MVB12B: variants seen among roughly 807,000 people sequenced by gnomAD.
The protein encoded by MVB12B is ESCRT-I complex subunit MVB12B.
MVB12B carries 16 observed loss-of-function variants against 41.6 expected under a neutral mutation model. That is an observed-to-expected ratio of 0.38 (90% confidence interval 0.26 to 0.58). MVB12B has a LOEUF of 0.58. MVB12B is among the 20% of genes least tolerant of loss of function. The pLI, the probability that MVB12B is intolerant of heterozygous loss-of-function variation, is 0.62. For synonymous variants in MVB12B, 133 were observed against 139.7 expected (o/e 0.95, Z 0.34); for missense variants, 274 against 380.2 (o/e 0.72, Z 2.32).
intron 9 of MVB12B, among the ~76,000 whole-genome samples, chr9:126,496,211 GTCCATCCACCCACCCA>G (rs990298811): frequency 1.6e-4 from 2 of 12,860 alleles, no homozygotes; most frequent in Non-Finnish European, 3.6e-4. Flanking sequence ...CTACCCACCC[GTCCATCCACCCACCCA>G]TCCATACACC....
In MVB12B at chr9:126,381,190, T is replaced by G; in HGVS notation, c.312+19T>G. ...AGAAAATGTAAGTCTAGTCGTAGTT[T>G]CCATTTGCTGAGTGAGCACAAGTAA... On this transcript the variant is annotated intron_variant, in intron 3 of 9. Transcript: ENST00000361171. 6.4e-7 allele frequency: 1 copy of G among 1,551,004 alleles called. No homozygotes were observed. Among genetic ancestry groups the G allele is most frequent in the Non-Finnish European group, 8.9e-7 (1 of 1,123,746 alleles).
chr9:126,483,658 G>A (rs1162293729), intron 8 of MVB12B, among the ~76,000 whole-genome samples: 4 of 152,204 alleles, frequency 2.6e-5, no homozygotes, highest in Non-Finnish European at 5.9e-5. Context: ...GAAGACAGGT[G>A]AAGCAGGCCA....
intron 7 of MVB12B, among the ~76,000 whole-genome samples, chr9:126,474,345 G>A (rs7047946): frequency 0.65 from 99,097 of 152,144 alleles, 32,663 homozygotes; most frequent in East Asian, 0.97. Flanking sequence ...AGAAAGGAAG[G>A]AAGTAAACGT....
chr9:126,437,061 G>A (rs1365422124), intron 7 of MVB12B, among the ~76,000 whole-genome samples: 4 of 152,106 alleles, frequency 2.6e-5, no homozygotes, highest in Non-Finnish European at 5.9e-5. Context: ...CAAAATTGCT[G>A]TTCTTTGTCC....
At chr9:126,431,354 G>A (rs1832327180) in intron 7 of MVB12B, among the ~76,000 whole-genome samples, 1 of 152,230 alleles carries the variant, frequency 6.6e-6, no homozygotes, top group African/African-American at 2.4e-5. Flanking sequence ...TTGGGGGCAG[G>A]AAGGAGAGAA....
chr9:126,496,204 C>CCCACCCGTCCAT (rs1466157544), intron 9 of MVB12B, among the ~76,000 whole-genome samples: 4 of 122,108 alleles, frequency 3.3e-5, no homozygotes, highest in Non-Finnish European at 6.7e-5. Context: ...CACCCACCTA[C>CCCACCCGTCCAT]CCACCCGTCC....
chr9:126,362,907 C>A (rs569992040), intron 2 of MVB12B, among the ~76,000 whole-genome samples: 1 of 152,270 alleles, frequency 6.6e-6, no homozygotes, highest in South Asian at 2.1e-4. Flanking sequence ...TAATTTTTGG[C>A]CAGGCGTGGT....
At chr9:126,500,923 G>A (rs1833942267) in intron 9 of MVB12B, among the ~76,000 whole-genome samples, 1 of 152,208 alleles carries the variant, frequency 6.6e-6, no homozygotes, top group South Asian at 2.1e-4. Flanking sequence ...CCTTCATGCT[G>A]GGCTGTGCTG....
At chr9:126,475,978 T>C (rs1417772736) in intron 7 of MVB12B, among the ~76,000 whole-genome samples, 1 of 124,740 alleles carries the variant, frequency 8.0e-6, no homozygotes, top group Non-Finnish European at 1.9e-5. Context: ...CTCTGTCACT[T>C]GACCAGACAG....
intron 9 of MVB12B, among the ~76,000 whole-genome samples, chr9:126,494,866 C>G (rs1263648088): frequency 9.3e-5 from 14 of 149,866 alleles, no homozygotes; most frequent in Non-Finnish European, 1.6e-4. Context: ...AGGGAGCACC[C>G]CACCCCCCCC....
At chr9:126,423,326 C>T (rs1473917284) in intron 7 of MVB12B, among the ~76,000 whole-genome samples, 3 of 152,216 alleles carry the variant, frequency 2.0e-5, no homozygotes, top group East Asian at 1.9e-4. Flanking sequence ...GTTGGCGTTT[C>T]TGCAGGAAAG....
intron 6 of MVB12B, among the ~76,000 whole-genome samples, chr9:126,414,842 C>CTATT (rs1187493296): frequency 1.3e-5 from 2 of 151,490 alleles, no homozygotes; most frequent in Non-Finnish European, 2.9e-5. Flanking sequence ...TAATTTTTAT[C>CTATT]TATTTATTTA....
chr9:126,444,567 C>A (rs1417594017), intron 7 of MVB12B, among the ~76,000 whole-genome samples: 1 of 152,178 alleles, frequency 6.6e-6, no homozygotes, highest in Admixed American at 6.5e-5. Flanking sequence ...GCTCCTCTTG[C>A]AACAAGGCCT....
At chr9:126,382,894 C>T (rs781326768) in intron 3 of MVB12B, among the ~76,000 whole-genome samples, 1 of 152,130 alleles carries the variant, frequency 6.6e-6, no homozygotes, top group Non-Finnish European at 1.5e-5. Flanking sequence ...ACATTGATTT[C>T]ATCAACATAT....
chr9:126,412,277 C>A (rs776400881), intron 6 of MVB12B, among the ~76,000 whole-genome samples: 1 of 152,192 alleles, frequency 6.6e-6, no homozygotes, highest in African/African-American at 2.4e-5. Flanking sequence ...AGAAGCTGTG[C>A]GTCACAGATG....
chr9:126,414,266 C>T (rs1235851512), intron 6 of MVB12B, among the ~76,000 whole-genome samples: 4 of 152,168 alleles, frequency 2.6e-5, no homozygotes, highest in Non-Finnish European at 4.4e-5. Flanking sequence ...AAATTCCCCT[C>T]AGCATGTATT....
At chr9:126,463,972 G>A (rs1833142756) in intron 7 of MVB12B, among the ~76,000 whole-genome samples, 1 of 152,210 alleles carries the variant, frequency 6.6e-6, no homozygotes, top group Non-Finnish European at 1.5e-5. Context: ...CGAGTAAGGA[G>A]TGGAATGTCC....
rs758218136 is a variant in MVB12B at position 126,381,113 on chromosome 9, T to C, written c.254T>C (p.Leu85Ser). The change falls in exon 3 of 10, where the codon TTA (leucine) becomes TCA (serine). Residue 85 changes from leucine to serine, a missense_variant. Transcript: ENST00000361171. ...GVDADLWKDG[L>S]FKSKVTRYLC... is the part of the protein sequence containing the mutation. The stretch of plus-strand genomic sequence containing the variant: ...GATGCTGACCTCTGGAAAGACGGCT[T>C]ATTTAAATCCAAGGTTACCAGATAC... 6.2e-7 allele frequency: 1 copy of C among 1,614,198 alleles called. No homozygotes were observed. Among genetic ancestry groups the C allele is most frequent in the Non-Finnish European group, 8.5e-7 (1 of 1,180,042 alleles).
intron 9 of MVB12B, among the ~76,000 whole-genome samples, chr9:126,490,169 T>G (rs1833702641): frequency 6.6e-6 from 1 of 152,206 alleles, no homozygotes; most frequent in African/African-American, 2.4e-5. Flanking sequence ...CCCATTTCTC[T>G]AGCTGATGGA....
Sources: gnomAD v4.1 joint callset for allele counts (sites outside exome capture counted in the v4.1 genomes callset) on GRCh38, gnomAD v4.1.1 for gene constraint, MANE v1.5 for transcripts, NCBI Gene and HGNC (gene_info 2026-07-23, HGNC 2026-07-21) for gene names.